The following GRPR variants were observed in gnomAD, a reference collection of about 807,000 sequenced individuals.
GRPR encodes the protein gastrin-releasing peptide receptor.
In GRPR, 4 loss-of-function variants were observed where a neutral mutation model predicts 15.6. The ratio of observed to expected loss-of-function variants is 0.26; its 90% CI spans 0.13 to 0.59. The LOEUF (loss-of-function observed/expected upper bound fraction) is 0.59, where lower values mean the gene tolerates loss of function less well. Ranked by LOEUF, GRPR falls within the 20% of genes least tolerant of loss-of-function variation. The pLI, the probability that GRPR is intolerant of heterozygous loss-of-function variation, is 0.90. For missense variants in GRPR, 270 were observed against 304.1 expected (o/e 0.89, Z 0.83); for synonymous variants, 128 against 126.8 (o/e 1.01, Z -0.06).
chrX:16,133,554 A>G (rs995557445), intron 1 of GRPR, among the ~76,000 whole-genome samples: 1 of 110,782 alleles, frequency 9.0e-6, no homozygotes. Context: ...TTCCTTCAGT[A>G]TTTCATTTAG....
chrX:16,127,340 G>A (rs1467226076), intron 1 of GRPR, among the ~76,000 whole-genome samples: 2 of 111,628 alleles, frequency 1.8e-5, no homozygotes, highest in Non-Finnish European at 3.8e-5. Flanking sequence ...GGCATCACCG[G>A]GTAAAAGGGA....
rs973571762 is a variant in GRPR, at chrX:16,153,183, G to A, written c.*538G>A. ...AATCCTGTGAGAGAGCTCCATGTAT[G>A]AGGGACACTCTCCAAGTTGATAACA... is the stretch of plus-strand genomic sequence containing the variant. On this transcript the variant is annotated 3_prime_UTR_variant, in exon 3 of 3. Coordinates refer to ENST00000380289, the MANE Select transcript of GRPR (RefSeq NM_005314.3). 4 of 116,464 alleles carry A rather than the reference G, an allele frequency of 3.4e-5. No individual in the cohort carries two copies. Among genetic ancestry groups the A allele is most frequent in the Non-Finnish European group, 5.4e-5 (3 of 55,480 alleles). The allele number at this position is 116,464 out of a possible 1,213,427, so 9.6% of individuals were successfully genotyped here.
intron 1 of GRPR, among the ~76,000 whole-genome samples, chrX:16,143,063 C>T (rs1417678065): frequency 9.1e-6 from 1 of 110,172 alleles, no homozygotes; most frequent in Non-Finnish European, 1.9e-5. Context: ...CCTTTTAGTC[C>T]CTCAGGCATT....
intron 1 of GRPR, among the ~76,000 whole-genome samples, chrX:16,132,454 A>G (rs891090863): frequency 1.8e-5 from 2 of 112,117 alleles, no homozygotes; most frequent in Non-Finnish European, 3.8e-5. Context: ...AAATTTCACC[A>G]ACATCATAAA....
At position 16,128,038 on chromosome X, in the gene GRPR, T is replaced by G. The variant is rs755841609; in HGVS notation, c.413+3672T>G. On this transcript the variant is annotated intron_variant, in intron 1 of 2. Coordinates refer to ENST00000380289, the MANE Select transcript of GRPR (RefSeq NM_005314.3). The stretch of plus-strand genomic sequence containing the variant: ...CATTTTTTAGGTAGATTATTAAGAA[T>G]GTTGAAGGCAGAGATTTTCAATATA... Among the ~76,000 whole-genome samples, 260 of 112,412 alleles carry G rather than the reference T, an allele frequency of 2.3e-3. 1 individual carries two copies. Among genetic ancestry groups the G allele is most frequent in the African/African-American group, 8.2e-3 (254 of 30,970 alleles).
chrX:16,131,180 T>C (rs113350370), intron 1 of GRPR, among the ~76,000 whole-genome samples: 1,260 of 112,370 alleles, frequency 0.011, 3 homozygotes, highest in Non-Finnish European at 0.019. Flanking sequence ...ACTGTGCCTG[T>C]CAATAACATC....
At chrX:16,142,290 C>CT (rs1922540531) in intron 1 of GRPR, among the ~76,000 whole-genome samples, 1 of 112,126 alleles carries the variant, frequency 8.9e-6, no homozygotes, top group Non-Finnish European at 1.9e-5. Context: ...GTTAGCTCAT[C>CT]TTTTAAAAAT....
chrX:16,138,390 CA>C (rs1922479907), intron 1 of GRPR, among the ~76,000 whole-genome samples: 1 of 111,716 alleles, frequency 9.0e-6, no homozygotes, highest in Non-Finnish European at 1.9e-5. Flanking sequence ...CAATTCTGTA[CA>C]AAAGACAAAA....
chrX:16,151,630 T>C (rs1356658470), intron 2 of GRPR, among the ~76,000 whole-genome samples: 2 of 112,031 alleles, frequency 1.8e-5, no homozygotes, highest in East Asian at 5.6e-4. Flanking sequence ...CCCCTTGAGG[T>C]AGTGGATGGA....
chrX:16,124,199 G>A lies in GRPR; in HGVS notation c.246G>A (p.Leu82=). Residue 82 remains leucine (L), a synonymous_variant, in exon 1 of 3, where the codon CTG becomes CTA. Transcript: ENST00000380289. ...TTCCAAACCTGTTCATTTCCAGTCT[G>A]GCTTTGGGAGACCTGCTCCTCCTAA... is the stretch of plus-strand genomic sequence containing the variant. ...RNVPNLFISS[L]ALGDLLLLIT... The A allele has an allele frequency of 1.7e-6, 2 of 1,210,856 alleles. No homozygotes were observed. The highest frequency in any genetic ancestry group is 1.1e-6 in the Non-Finnish European group (1 of 894,724).
chrX:16,138,191 T>C (rs1046872959), intron 1 of GRPR, among the ~76,000 whole-genome samples: 2 of 111,730 alleles, frequency 1.8e-5, no homozygotes, highest in African/African-American at 6.5e-5. Context: ...CTGAAGCTAA[T>C]TGTAGGAAGA....
At chrX:16,138,490 T>C (rs1922481676) in intron 1 of GRPR, among the ~76,000 whole-genome samples, 1 of 112,382 alleles carries the variant, frequency 8.9e-6, no homozygotes, top group African/African-American at 3.2e-5. Context: ...ACTAAGATTT[T>C]ACAATAAGCT....
intron 1 of GRPR, among the ~76,000 whole-genome samples, chrX:16,131,256 A>C (rs925936099): frequency 1.8e-5 from 2 of 111,593 alleles, no homozygotes; most frequent in South Asian, 7.6e-4. Flanking sequence ...GGTTTGCGTA[A>C]ATTCTCTCTT....
intron 1 of GRPR, among the ~76,000 whole-genome samples, chrX:16,137,448 A>C (rs1441667085): frequency 8.9e-6 from 1 of 112,034 alleles, no homozygotes; most frequent in African/African-American, 3.2e-5. Context: ...TAAATTGTTT[A>C]CTAGGGAAGT....
chrX:16,125,803 C>A (rs1249650140), intron 1 of GRPR, among the ~76,000 whole-genome samples: 2 of 111,468 alleles, frequency 1.8e-5, no homozygotes, highest in African/African-American at 6.5e-5. Context: ...TCCTCCCCTG[C>A]ACATCTGCCC....
chrX:16,150,290 T>G lies in GRPR; in HGVS notation c.414-15T>G. 9.1e-7 allele frequency: 1 copy of G among 1,096,422 alleles called. No homozygotes were observed. Among genetic ancestry groups the G allele is most frequent in the Non-Finnish European group, 1.3e-6 (1 of 790,229 alleles). The allele number at this position is 1,096,422 out of a possible 1,213,427, so 90.4% of individuals were successfully genotyped here. On this transcript the variant is annotated splice_polypyrimidine_tract_variant and intron_variant, in intron 1 of 2. Coordinates refer to ENST00000380289, the MANE Select transcript of GRPR (RefSeq NM_005314.3). ...ATATTATGCAACTGATGGGGATGCT[T>G]CTTTCCTGCCCTAGATACAAAGCCA...
chrX:16,145,189 A>G (rs778566159), intron 1 of GRPR, among the ~76,000 whole-genome samples: 8 of 112,149 alleles, frequency 7.1e-5, no homozygotes, highest in Non-Finnish European at 1.5e-4. Context: ...TCTAAGAGAT[A>G]TCTGCACTCC....
At chrX:16,150,761 G>C in intron 2 of GRPR, 105 bp downstream of exon 2, 2 of 542,942 alleles carry the variant, frequency 3.7e-6, no homozygotes, top group East Asian at 3.5e-5. Context: ...AATTAGATGA[G>C]GTGGGTGATG....
At chrX:16,129,691 C>T (rs1463933465) in intron 1 of GRPR, among the ~76,000 whole-genome samples, 1 of 111,587 alleles carries the variant, frequency 9.0e-6, no homozygotes, top group Non-Finnish European at 1.9e-5. Flanking sequence ...AATGAAGCAG[C>T]CCCATATCAT....
Sources: allele counts gnomAD v4.1 joint callset (sites outside exome capture counted in the v4.1 genomes callset), GRCh38; gene constraint gnomAD v4.1.1; transcripts MANE v1.5; gene names NCBI Gene and HGNC (gene_info 2026-07-23, HGNC 2026-07-21).